Variants in HSPA8 observed in about 807,000 individuals in gnomAD.
HSPA8 encodes the protein heat shock cognate 71 kDa protein.
HSPA8 carries 2 observed loss-of-function variants against 52.8 expected under a neutral mutation model. The observed-to-expected ratio is 0.04, with a 90% CI of 0.02 to 0.12. HSPA8 has a LOEUF of 0.12. Ranked by LOEUF, HSPA8 falls within the 10% of genes least tolerant of loss-of-function variation. HSPA8 has a pLI of 1.00. For missense variants in HSPA8, 349 were observed against 800.5 expected, an observed-to-expected ratio of 0.44 and a Z score of 6.81; for synonymous variants, 436 against 274.0, an observed-to-expected ratio of 1.59 and a Z score of -5.84.
At chr11:123,061,631 G>C (rs906694019) in intron 1 of HSPA8, 2 of 434,292 alleles carry the variant, frequency 4.6e-6, no homozygotes, top group Non-Finnish European at 8.5e-6. Flanking sequence ...CCAGGTGCCA[G>C]TGCCCCCGGG....
chr11:123,061,990 A>AG (rs1565370371), intron 1 of HSPA8, 74 bp downstream of exon 1: 1 of 155,580 alleles, frequency 6.4e-6, no homozygotes, highest in African/African-American at 2.4e-5. Flanking sequence ...CCCAAGCCTC[A>AG]GCAAGCCCAA....
rs771060966 is a variant in HSPA8 at position 123,061,316 on chromosome 11, C to T, written c.9G>A (p.Lys3=). The change falls in exon 2 of 9, where the codon AAG becomes AAA. Residue 3 remains lysine (K), a synonymous_variant. Transcript: ENST00000534624. MS[K]GPAVGIDLGT... is the part of the protein sequence containing the mutation. ...CAAGATCAATACCAACTGCAGGTCC[C>T]TTGGACATGGTTGCTGAAAAAAAGA... The T allele has an allele frequency of 6.2e-7, 1 of 1,613,264 alleles. No homozygotes were observed. Among genetic ancestry groups the T allele is most frequent in the Non-Finnish European group, 8.5e-7 (1 of 1,179,498 alleles).
chr11:123,058,123 G>C, intron 8 of HSPA8, 129 bp downstream of exon 8: 1 of 744,468 alleles, frequency 1.3e-6, no homozygotes, highest in Non-Finnish European at 2.2e-6. Context: ...TTGAATTCTG[G>C]TGGAAACCGC....
At chr11:123,060,995 G>A in intron 2 of HSPA8, 125 bp downstream of exon 2, 1 of 941,586 alleles carries the variant, frequency 1.1e-6, no homozygotes, top group Non-Finnish European at 1.6e-6. Context: ...TTTTATAACA[G>A]ACTTGATAAC....
chr11:123,060,954 AG>A, intron 2 of HSPA8, 156 bp from the exon 3 acceptor site: 1 of 877,062 alleles, frequency 1.1e-6, no homozygotes, highest in Admixed American at 2.5e-5. Context: ...TACGTTATCC[AG>A]ATTTCAGCCT....
rs1865439864 is a variant in HSPA8, at chr11:123,059,856, T to C, written c.737A>G (p.Lys246Arg). 6.2e-7 allele frequency: 1 copy of C among 1,613,354 alleles called. No individual in the cohort carries two copies. Among genetic ancestry groups the C allele is most frequent in the East Asian group, 2.2e-5 (1 of 44,874 alleles). The change falls in exon 5 of 9, where the codon AAG becomes AGG. Residue 246 changes from lysine to arginine, a missense_variant. Transcript: ENST00000534624. The stretch of plus-strand genomic sequence containing the variant: ...ACTGATGTCCTTCTTATGCTTGCGC[T>C]TAAACTCAGCAATAAAATGGTTGAC... ...RMVNHFIAEFKRKHKKDISEN... is the reference protein window; with the variant it reads ...RMVNHFIAEFRRKHKKDISEN...
intron 3 of HSPA8, 80 bp downstream of exon 3, chr11:123,060,513 C>T (rs1468717447): frequency 3.5e-6 from 4 of 1,127,664 alleles, no homozygotes; most frequent in Admixed American, 3.5e-5. Context: ...TCCCCTCCCT[C>T]GCCAGGTGCC....
chr11:123,061,148 A>G lies in HSPA8; in HGVS notation c.177T>C (p.Val59=), dbSNP rs1480287963. The part of the protein sequence containing the change: ...RLIGDAAKNQ[V]AMNPTNTVFD... ...AAACTGTGTTGGTGGGGTTCATTGC[A>G]ACTTGATTCTTTGCGGCATCACCGA... The change falls in exon 2 of 9, where the codon GTT becomes GTC. Residue 59 remains valine (V), a synonymous_variant. Coordinates refer to ENST00000534624, the MANE Select transcript of HSPA8 (RefSeq NM_006597.6). 3.1e-6 allele frequency: 5 copies of G among 1,613,820 alleles called. No homozygotes were observed. Among genetic ancestry groups the G allele is most frequent in the Non-Finnish European group, 3.4e-6 (4 of 1,179,830 alleles).
Position 123,059,639 on chromosome 11 carries a change from C to CT in HSPA8, c.953dup (p.Lys319GlufsTer15). On this transcript the variant is annotated frameshift_variant, in exon 5 of 9. Coordinates refer to ENST00000534624, the MANE Select transcript of HSPA8 (RefSeq NM_006597.6). LOFTEE classifies it high-confidence loss of function. ...CTAGTTTGGCATCTCGAAGGGCTTT[C>CT]TCTACTGGGTCCAGGGTGCCACGGA... 6.2e-7 allele frequency: 1 copy of CT among 1,614,122 alleles called. No homozygotes were observed. Among genetic ancestry groups the CT allele is most frequent in the Non-Finnish European group, 8.5e-7 (1 of 1,180,012 alleles).
At chr11:123,061,395 G>T in intron 1 of HSPA8, 66 bp from the exon 2 acceptor site, 3 of 1,259,032 alleles carry the variant, frequency 2.4e-6, no homozygotes, top group South Asian at 2.5e-5. Flanking sequence ...TCCCTTAACA[G>T]AACACTTAAC....
intron 6 of HSPA8, 58 bp from the exon 7 acceptor site, chr11:123,058,888 G>T: frequency 6.5e-7 from 1 of 1,528,972 alleles, no homozygotes; most frequent in Non-Finnish European, 9.0e-7. Flanking sequence ...ACAGTGCTAG[G>T]GTCCTGCTAA....
chr11:123,060,338 A>C (rs1865454887), intron 3 of HSPA8, 70 bp from the exon 4 acceptor site: 2 of 1,418,640 alleles, frequency 1.4e-6, no homozygotes, highest in Non-Finnish European at 2.0e-6. Context: ...CAGCAAATGG[A>C]TTAATGCTGG....
chr11:123,058,579 C>T (rs1416721830), intron 7 of HSPA8, 53 bp downstream of exon 7: 3 of 1,577,820 alleles, frequency 1.9e-6, no homozygotes, highest in South Asian at 1.1e-5. Context: ...GCACCAGTAA[C>T]TCAATTGAAA....
In HSPA8 at chr11:123,057,847, G is replaced by T; in HGVS notation, c.1828C>A (p.Leu610Met). The T allele has an allele frequency of 6.2e-7, 1 of 1,613,540 alleles. No individual in the cohort carries two copies. Among genetic ancestry groups the T allele is most frequent in the South Asian group, 1.1e-5 (1 of 91,018 alleles). The change falls in exon 9 of 9, where the codon CTG (leucine) becomes ATG (methionine). Residue 610 changes from leucine (L) to methionine (M), a missense_variant. Physicochemically the swap from Leu to Met is conservative, Grantham distance 15 (BLOSUM62 2). Coordinates refer to ENST00000534624, the MANE Select transcript of HSPA8 (RefSeq NM_006597.6). The stretch of plus-strand genomic sequence containing the variant: ...GGCATGCCTCCTGCACTCTGGTACA[G>T]CTTGGTGATGATGGGGTTGCAAACT... ...EKVCNPIITK[L>M]YQSAGGMPGG...
chr11:123,059,101 G>T lies in HSPA8; in HGVS notation c.1281C>A (p.Thr427=). Residue 427 remains threonine (T), a synonymous_variant, in exon 6 of 9, where the codon ACC becomes ACA. Transcript: ENST00000534624. The part of the protein sequence containing the change: ...NTTIPTKQTQ[T]FTTYSDNQPG... ...GCTGGTTGTCAGAATAGGTAGTGAA[G>T]GTCTGTGTCTGCTTGGTAGGAATGG... 1.2e-6 allele frequency: 2 copies of T among 1,612,420 alleles called. No homozygotes were observed. The highest frequency in any genetic ancestry group is 2.2e-5 in the South Asian group (2 of 91,010).
Position 123,061,187 on chromosome 11 carries a change from G to A in HSPA8, c.138C>T (p.Asp46=), listed in dbSNP as rs1166201725. 1 of 1,613,890 alleles carries A rather than the reference G, an allele frequency of 6.2e-7. No individual in the cohort carries two copies. The highest frequency in any genetic ancestry group is 8.5e-7 in the Non-Finnish European group (1 of 1,179,846). The change falls in exon 2 of 9, where the codon GAC becomes GAT. Residue 46 remains aspartate (D), a synonymous_variant. Transcript: ENST00000534624. ...CGGCATCACCGATCAACCGTTCAGT[G>A]TCCGTAAAGGCGACATAGCTTGGAG... ...RTTPSYVAFT[D]TERLIGDAAK...
chr11:123,059,157 C>T lies in HSPA8; in HGVS notation c.1225G>A (p.Val409Ile), dbSNP rs372928718. ...TTACGCTTGATGAGGACAGTCATGACTCCACCAGCAGTTTCAATACCAAGG... is the reference window on the plus strand; with the variant it reads ...TTACGCTTGATGAGGACAGTCATGATTCCACCAGCAGTTTCAATACCAAGG... ...LSLGIETAGGVMTVLIKRNTT... is the reference protein window; with the variant it reads ...LSLGIETAGGIMTVLIKRNTT... Residue 409 changes from valine to isoleucine, a missense_variant, in exon 6 of 9, where the codon GTC becomes ATC. By Grantham distance (29) the Val-to-Ile change is conservative (BLOSUM62 3). Coordinates refer to ENST00000534624, the MANE Select transcript of HSPA8 (RefSeq NM_006597.6). The T allele has an allele frequency of 2.5e-6, 4 of 1,612,054 alleles. No homozygotes were observed. The highest frequency in any genetic ancestry group is 1.3e-5 in the African/African-American group (1 of 74,856).
rs536070549 is a variant in HSPA8, at chr11:123,061,289, G to A, written c.36C>T (p.Gly12=). Residue 12 remains glycine (G), a synonymous_variant, in exon 2 of 9, where the codon GGC becomes GGT. Transcript: ENST00000534624. ...SKGPAVGIDL[G]TTYSCVGVFQ... ...AAACACCCACACAAGAGTAGGTGGTGCCAAGATCAATACCAACTGCAGGTC... is the reference window on the plus strand; with the variant it reads ...AAACACCCACACAAGAGTAGGTGGTACCAAGATCAATACCAACTGCAGGTC... 20 of 1,613,904 alleles carry A rather than the reference G, an allele frequency of 1.2e-5. No homozygotes were observed. The highest frequency in any genetic ancestry group is 1.7e-4 in the Middle Eastern group (1 of 6,056).
rs1865466030 is a variant in HSPA8 at position 123,060,546 on chromosome 11, C to G, written c.411+47G>C. ...GCCAGTGCCCCCGGGAGTCATCGGG[C>G]TTTTAACTACTCCGGAATGCACCCC... On this transcript the variant is annotated intron_variant, in intron 3 of 8. Transcript: ENST00000534624. The G allele has an allele frequency of 5.6e-6, 8 of 1,429,776 alleles. No homozygotes were observed. In the Admixed American group the frequency reaches 1.4e-4, roughly 24 times the overall value. The allele number at this position is 1,429,776 out of a possible 1,614,324, so 88.6% of individuals were successfully genotyped here.
Sources: gnomAD v4.1 joint callset for allele counts on GRCh38, gnomAD v4.1.1 for gene constraint, MANE v1.5 for transcripts, NCBI Gene and HGNC (gene_info 2026-07-23, HGNC 2026-07-21) for gene names.